The following ROBO2 variants were observed in gnomAD, a reference collection of about 807,000 sequenced individuals.
ROBO2 encodes roundabout guidance receptor 2, also known as roundabout homolog 2.
Under a neutral mutation model 160.8 loss-of-function variants are expected in ROBO2, and 53 were observed. That is an observed-to-expected ratio of 0.33 (90% CI 0.26 to 0.41). The LOEUF is 0.41. Among genes scored for constraint, ROBO2 ranks in the 10% least tolerant of loss-of-function variants. The pLI, the probability that ROBO2 is intolerant of heterozygous loss-of-function variation, is 1.00. For missense variants in ROBO2, 1,577 were observed against 1,722.4 expected, an observed-to-expected ratio of 0.92 and a Z score of 1.49; for synonymous variants, 664 against 611.7, an observed-to-expected ratio of 1.09 and a Z score of -1.26.
At chr3:77,064,486 A>G (rs1026348362) in intron 1 of ROBO2, among the ~76,000 whole-genome samples, 5 of 150,868 alleles carry the variant, frequency 3.3e-5, no homozygotes, top group African/African-American at 4.9e-5. Context: ...TCAGCCTCCC[A>G]AGTAGCTGGG....
chr3:76,876,739 A>C (rs893354547), intron 2 of ROBO2, among the ~76,000 whole-genome samples: 6 of 152,192 alleles, frequency 3.9e-5, no homozygotes, highest in Non-Finnish European at 7.3e-5. Context: ...AAAGAAATAC[A>C]GGGTTTACAT....
At chr3:75,963,948 T>C (rs1356113946) in intron 2 of ROBO2, among the ~76,000 whole-genome samples, 1 of 151,798 alleles carries the variant, frequency 6.6e-6, no homozygotes, top group Non-Finnish European at 1.5e-5. Flanking sequence ...ACTGAATTCT[T>C]ATTTAAATCA....
intron 2 of ROBO2, among the ~76,000 whole-genome samples, chr3:76,559,533 C>T (rs1175577770): frequency 2.6e-5 from 4 of 151,998 alleles, no homozygotes; most frequent in South Asian, 4.1e-4. Flanking sequence ...TTTTTGAAGA[C>T]GAGTCACCAT....
At chr3:77,600,678 A>G (rs1456259596) in intron 19 of ROBO2, among the ~76,000 whole-genome samples, 1 of 152,224 alleles carries the variant, frequency 6.6e-6, no homozygotes, top group East Asian at 1.9e-4. Context: ...GGCAGAAACA[A>G]AAGTCTGAAA....
chr3:77,441,369 A>G (rs2153553918), intron 2 of ROBO2, among the ~76,000 whole-genome samples: 1 of 151,994 alleles, frequency 6.6e-6, no homozygotes, highest in South Asian at 2.1e-4. Context: ...GTGCAACTGT[A>G]TATATGTATA....
At position 76,122,761 on chromosome 3, in the gene ROBO2, A is replaced by G. The variant is rs185181370; in HGVS notation, c.109+185159A>G. ...TGCTCTCTCTGCTTTATGGTTGTTG[A>G]TACTGTAGCATGATGGACATATATA... On this transcript the variant is annotated intron_variant, in intron 2 of 26. Transcript: ENST00000487694. Among the ~76,000 whole-genome samples, 413 of 152,138 alleles carry G rather than the reference A, an allele frequency of 2.7e-3. 6 individuals are homozygous for G. Among genetic ancestry groups the G allele is most frequent in the South Asian group, 2.1e-3 (10 of 4,816 alleles).
chr3:77,308,359 A>C (rs2063272810), intron 2 of ROBO2, among the ~76,000 whole-genome samples: 1 of 152,044 alleles, frequency 6.6e-6, no homozygotes, highest in African/African-American at 2.4e-5. Context: ...ATAAAAGCAT[A>C]ATAAAAGATA....
chr3:76,780,330 C>A (rs1019819628), intron 2 of ROBO2, among the ~76,000 whole-genome samples: 5 of 150,382 alleles, frequency 3.3e-5, no homozygotes, highest in African/African-American at 1.2e-4. Context: ...AGATGTTAAA[C>A]CCTTATTAGA....
At chr3:76,442,227 T>C (rs1382908910) in intron 2 of ROBO2, among the ~76,000 whole-genome samples, 1 of 152,108 alleles carries the variant, frequency 6.6e-6, no homozygotes, top group Admixed American at 6.6e-5. Context: ...TTAAGAATGA[T>C]AGGACAAAAA....
chr3:76,354,503 A>C (rs2075046885), intron 2 of ROBO2, among the ~76,000 whole-genome samples: 1 of 151,872 alleles, frequency 6.6e-6, no homozygotes, highest in Non-Finnish European at 1.5e-5. Flanking sequence ...ATTACTATTT[A>C]TGATTACTTA....
intron 2 of ROBO2, among the ~76,000 whole-genome samples, chr3:77,424,926 A>C (rs2078037651): frequency 6.6e-6 from 1 of 152,158 alleles, no homozygotes; most frequent in African/African-American, 2.4e-5. Flanking sequence ...TGTTGGCTCT[A>C]AAATCCTCCT....
At chr3:77,338,919 A>G (rs1460201155) in intron 2 of ROBO2, among the ~76,000 whole-genome samples, 1 of 152,074 alleles carries the variant, frequency 6.6e-6, no homozygotes, top group African/African-American at 2.4e-5. Flanking sequence ...TTTGTTTTTG[A>G]ATTATAGATC....
intron 2 of ROBO2, among the ~76,000 whole-genome samples, chr3:76,968,484 AAT>A (rs2149270652): frequency 6.6e-6 from 1 of 152,264 alleles, no homozygotes; most frequent in East Asian, 1.9e-4. Flanking sequence ...GCATATAATC[AAT>A]AGTTAAGTTA....
chr3:77,493,458 C>T (rs1200330987), intron 5 of ROBO2, 76 bp downstream of exon 5: 13 of 1,435,280 alleles, frequency 9.1e-6, no homozygotes, highest in Non-Finnish European at 1.3e-5. Context: ...GCTACAATGC[C>T]ACCACCAAAC....
At chr3:76,272,795 TATATATAA>T (rs1576201038) in intron 2 of ROBO2, among the ~76,000 whole-genome samples, 1 of 40,150 alleles carries the variant, frequency 2.5e-5, no homozygotes, top group Admixed American at 4.3e-4. Flanking sequence ...ATAAAATATA[TATATATAA>T]AATATATAAT....
At chr3:77,200,270 TATATATATATATATATATATATATA>T (rs2082734091) in intron 2 of ROBO2, among the ~76,000 whole-genome samples, 1 of 9,470 alleles carries the variant, frequency 1.1e-4, no homozygotes, top group Admixed American at 9.5e-4. Context: ...ACATATTTTA[TATATATATATATATATATATATATA>T]TATATATATA....
At chr3:77,324,130 A>G (rs1036969596) in intron 2 of ROBO2, among the ~76,000 whole-genome samples, 8 of 152,284 alleles carry the variant, frequency 5.3e-5, no homozygotes, top group Admixed American at 6.5e-5. Context: ...ACTATAACCC[A>G]GTTCTAATCT....
chr3:76,414,644 A>T (rs1169257063), intron 2 of ROBO2, among the ~76,000 whole-genome samples: 1 of 147,892 alleles, frequency 6.8e-6, no homozygotes, highest in Non-Finnish European at 1.5e-5. Flanking sequence ...GAGGGATAGC[A>T]TTGGGAGATA....
At chr3:76,650,862 T>C (rs2091224168) in intron 2 of ROBO2, among the ~76,000 whole-genome samples, 1 of 152,190 alleles carries the variant, frequency 6.6e-6, no homozygotes, top group African/African-American at 2.4e-5. Context: ...AGGAAAGGAT[T>C]AAACCTTAAG....
Sources: allele counts gnomAD v4.1 joint callset (sites outside exome capture counted in the v4.1 genomes callset), GRCh38; gene constraint gnomAD v4.1.1; transcripts MANE v1.5; gene names NCBI Gene and HGNC (gene_info 2026-07-23, HGNC 2026-07-21).